Variants in GPATCH8 observed in about 807,000 individuals in gnomAD.
GPATCH8 encodes the protein G-patch domain containing 8.
Under a neutral mutation model 118.3 loss-of-function variants are expected in GPATCH8, and 18 were observed. The observed-to-expected ratio is 0.15, with a 90% CI of 0.11 to 0.23. The LOEUF (loss-of-function observed/expected upper bound fraction) is 0.23, where lower values mean the gene tolerates loss of function less well. GPATCH8 is among the 10% of genes least tolerant of loss of function. GPATCH8 has a pLI of 1.00. For missense variants in GPATCH8, 1,631 were observed against 1,873.8 expected (o/e 0.87, Z 2.39); for synonymous variants, 659 against 684.7 (o/e 0.96, Z 0.59).
intron 2 of GPATCH8, among the ~76,000 whole-genome samples, chr17:44,469,999 A>G (rs1967142407): frequency 6.6e-6 from 1 of 152,238 alleles, no homozygotes; most frequent in Non-Finnish European, 1.5e-5. Flanking sequence ...AAACATCAGC[A>G]ACTGGAGTTT....
chr17:44,432,662 G>T (rs2050362279), intron 5 of GPATCH8, among the ~76,000 whole-genome samples: 1 of 152,146 alleles, frequency 6.6e-6, no homozygotes, highest in South Asian at 2.1e-4. Flanking sequence ...GAGGGGAAAA[G>T]TACAAATTAA....
chr17:44,430,687 G>C (rs1389113490), intron 5 of GPATCH8, among the ~76,000 whole-genome samples: 5 of 151,862 alleles, frequency 3.3e-5, no homozygotes, highest in African/African-American at 4.8e-5. Context: ...CTGTCGCCCA[G>C]GCTGGAGTGC....
intron 1 of GPATCH8, among the ~76,000 whole-genome samples, chr17:44,496,095 C>T (rs1969650400): frequency 6.6e-6 from 1 of 152,196 alleles, no homozygotes; most frequent in South Asian, 2.1e-4. Context: ...TCTCGAACTC[C>T]TGACCCCGTG....
intron 5 of GPATCH8, among the ~76,000 whole-genome samples, chr17:44,427,918 T>G (rs1472891300): frequency 6.6e-6 from 1 of 152,078 alleles, no homozygotes; most frequent in Non-Finnish European, 1.5e-5. Context: ...CCATCCTATA[T>G]CCATCCATCC....
At chr17:44,463,902 T>C (rs1053248804) in intron 3 of GPATCH8, among the ~76,000 whole-genome samples, 3 of 152,138 alleles carry the variant, frequency 2.0e-5, no homozygotes, top group African/African-American at 7.2e-5. Context: ...CAGACCTTGA[T>C]AGGAACCTGA....
chr17:44,494,720 G>C (rs1252919510), intron 1 of GPATCH8, among the ~76,000 whole-genome samples: 2 of 152,098 alleles, frequency 1.3e-5, no homozygotes, highest in Non-Finnish European at 2.9e-5. Context: ...TAACTATATG[G>C]GTATAGCACA....
intron 3 of GPATCH8, among the ~76,000 whole-genome samples, chr17:44,457,909 G>A (rs180678042): frequency 5.1e-4 from 77 of 151,790 alleles, no homozygotes; most frequent in Non-Finnish European, 7.5e-4. Flanking sequence ...CTAAAACCCC[G>A]TCTCTACTAA....
At chr17:44,424,886 T>C (rs1053316147) in intron 5 of GPATCH8, among the ~76,000 whole-genome samples, 5 of 152,218 alleles carry the variant, frequency 3.3e-5, no homozygotes, top group African/African-American at 9.7e-5. Flanking sequence ...TAGCCAATGA[T>C]GGAGTTAAAT....
At chr17:44,494,716 T>C (rs1358390148) in intron 1 of GPATCH8, among the ~76,000 whole-genome samples, 1 of 152,216 alleles carries the variant, frequency 6.6e-6, no homozygotes, top group Non-Finnish European at 1.5e-5. Flanking sequence ...ACTTTAACTA[T>C]ATGGGTATAG....
At chr17:44,435,464 G>A (rs2050471964) in intron 4 of GPATCH8, among the ~76,000 whole-genome samples, 2 of 132,548 alleles carry the variant, frequency 1.5e-5, no homozygotes, top group African/African-American at 5.4e-5. Flanking sequence ...CTCAGGCTGG[G>A]GTTTAATGGC....
At chr17:44,432,178 A>G (rs756905371) in intron 5 of GPATCH8, among the ~76,000 whole-genome samples, 5 of 152,118 alleles carry the variant, frequency 3.3e-5, no homozygotes, top group Admixed American at 6.5e-5. Flanking sequence ...GGTCTTTGAT[A>G]AGACAGGGAG....
intron 6 of GPATCH8, among the ~76,000 whole-genome samples, chr17:44,414,131 ATATATATATATG>A (rs1567955647): frequency 7.5e-5 from 2 of 26,614 alleles, no homozygotes; most frequent in Non-Finnish European, 1.9e-4. Flanking sequence ...ATATATGTGT[ATATATATATATG>A]TGTATATATA....
chr17:44,429,618 T>C (rs1470336915), intron 5 of GPATCH8, among the ~76,000 whole-genome samples: 1 of 137,028 alleles, frequency 7.3e-6, no homozygotes, highest in East Asian at 2.2e-4. Flanking sequence ...GAGACCAGCC[T>C]GGCCAACATG....
chr17:44,418,088 A>G (rs2049754393), intron 6 of GPATCH8, among the ~76,000 whole-genome samples: 1 of 152,124 alleles, frequency 6.6e-6, no homozygotes, highest in South Asian at 2.1e-4. Context: ...ATTGGAAGAA[A>G]AATCCTGAGT....
At chr17:44,423,257 T>C (rs531765628) in intron 6 of GPATCH8, among the ~76,000 whole-genome samples, 1 of 152,192 alleles carries the variant, frequency 6.6e-6, no homozygotes, top group African/African-American at 2.4e-5. Context: ...CAGAAAAGAA[T>C]GTCCAAAGGT....
chr17:44,398,548 T>C lies in GPATCH8; in HGVS notation c.3529A>G (p.Thr1177Ala). The change falls in exon 8 of 8, where the codon ACA becomes GCA. Residue 1177 changes from threonine to alanine, a missense_variant. Physicochemically the swap from Thr to Ala is moderately conservative, Grantham distance 58. Transcript: ENST00000591680. Reference sequence around the variant, plus strand: ...CTACTCCCTGGGGGCCCCTCTTCTGTCTCTGACTGTTCTTGCTCTTCCCCC... The same window carrying C: ...CTACTCCCTGGGGGCCCCTCTTCTGCCTCTGACTGTTCTTGCTCTTCCCCC... Reference protein sequence around the residue: ...ERGEEQEQSETEEGPPGSSDA... With the variant: ...ERGEEQEQSEAEEGPPGSSDA... 6.3e-7 allele frequency: 1 copy of C among 1,585,912 alleles called. No individual in the cohort carries two copies. The highest frequency in any genetic ancestry group is 1.2e-5 in the South Asian group (1 of 85,502).
At chr17:44,444,306 T>C (rs902110113) in intron 3 of GPATCH8, among the ~76,000 whole-genome samples, 3 of 151,604 alleles carry the variant, frequency 2.0e-5, no homozygotes, top group Admixed American at 6.6e-5. Context: ...TACAACTGTT[T>C]TAGCTAAAAT....
intron 3 of GPATCH8, among the ~76,000 whole-genome samples, chr17:44,460,255 C>CT (rs376956752): frequency 1.1e-4 from 17 of 152,038 alleles, no homozygotes; most frequent in Non-Finnish European, 2.1e-4. Flanking sequence ...ATCAGTAGTG[C>CT]TTTTTTTGTG....
Position 44,398,177 on chromosome 17 carries a change from A to G in GPATCH8, c.3900T>C (p.Ala1300=), listed in dbSNP as rs1298526527. ...GCTGGCTTTCCAGGGGGGCCAGTGA[A>G]GCATCCTCAGCCCCATCTGTTGACT... ...SIESTDGAED[A]SLAPLESQPI... The change falls in exon 8 of 8, where the codon GCT becomes GCC. Residue 1300 remains alanine, a synonymous_variant. Coordinates refer to ENST00000591680, the MANE Select transcript of GPATCH8 (RefSeq NM_001002909.4). The G allele has an allele frequency of 5.6e-6, 9 of 1,613,588 alleles. No individual in the cohort carries two copies. Among genetic ancestry groups the G allele is most frequent in the Non-Finnish European group, 7.6e-6 (9 of 1,179,586 alleles).
Sources: gnomAD v4.1 joint callset for allele counts (sites outside exome capture counted in the v4.1 genomes callset) on GRCh38, gnomAD v4.1.1 for gene constraint, MANE v1.5 for transcripts, NCBI Gene and HGNC (gene_info 2026-07-23, HGNC 2026-07-21) for gene names.